The following IFT74 variants were observed in gnomAD, a reference collection of about 807,000 sequenced individuals.
The protein encoded by IFT74 is intraflagellar transport protein 74 homolog.
IFT74 carries 92 observed loss-of-function variants against 96.7 expected under a neutral mutation model. The ratio of observed to expected loss-of-function variants is 0.95; its 90% confidence interval spans 0.80 to 1.13. IFT74 has a LOEUF of 1.13. Ranked by LOEUF, IFT74 falls within the 50% of genes most tolerant of loss-of-function variation. The pLI is 0.00. For missense variants in IFT74, 811 were observed against 698.2 expected, an observed-to-expected ratio of 1.16 and a Z score of -1.82; for synonymous variants, 223 against 213.2, an observed-to-expected ratio of 1.05 and a Z score of -0.40.
chr9:26,966,934 A>G (rs1465259621), intron 2 of IFT74, among the ~76,000 whole-genome samples: 3 of 152,060 alleles, frequency 2.0e-5, no homozygotes, highest in Non-Finnish European at 1.5e-5. Context: ...GCATTTCCTC[A>G]GTGTATGTTC....
intron 18 of IFT74, among the ~76,000 whole-genome samples, chr9:27,057,013 TTAAC>T (rs542093348): frequency 3.3e-5 from 5 of 152,162 alleles, no homozygotes; most frequent in Non-Finnish European, 7.4e-5. Context: ...TTTTTCATGA[TTAAC>T]TATACATCAT....
upstream of IFT74, chr9:26,955,757 T>C (rs2131462352): frequency 6.6e-6 from 1 of 151,048 alleles, no homozygotes; most frequent in South Asian, 2.1e-4. Context: ...TAAGCTGTTA[T>C]CAATGAAGAT....
intron 2 of IFT74, among the ~76,000 whole-genome samples, chr9:26,962,490 A>G (rs10967625): frequency 0.12 from 18,934 of 152,298 alleles, 1,319 homozygotes; most frequent in Middle Eastern, 0.26. Flanking sequence ...GAAATGGAAT[A>G]GACCTCAAAT....
intron 18 of IFT74, among the ~76,000 whole-genome samples, chr9:27,057,543 A>G (rs576340271): frequency 6.6e-6 from 1 of 152,298 alleles, no homozygotes; most frequent in East Asian, 1.9e-4. Flanking sequence ...CACATGGTTT[A>G]AAACCCTAAA....
chr9:27,044,721 T>C lies in IFT74; in HGVS notation c.1055-21T>C, dbSNP rs1819620921. ...TATGTGCAATTTTTGAAATTCATGT[T>C]GTATTTTATATCTCTCATAGGTGAA... On this transcript the variant is annotated intron_variant, in intron 13 of 19. Transcript: ENST00000380062. 4.0e-6 allele frequency: 6 copies of C among 1,490,992 alleles called. No individual in the cohort carries two copies. In the South Asian group the frequency reaches 7.2e-5, roughly 18 times the overall value. The allele number at this position is 1,490,992 out of a possible 1,614,324, so 92.4% of individuals were successfully genotyped here.
chr9:26,980,690 A>G (rs1246195821), intron 4 of IFT74, 71 bp downstream of exon 4: 2 of 954,764 alleles, frequency 2.1e-6, no homozygotes, highest in African/African-American at 1.7e-5. Flanking sequence ...AAAATAGAGT[A>G]TATAACTTTA....
intron 9 of IFT74, 98 bp downstream of exon 9, chr9:27,009,256 C>A: frequency 9.4e-7 from 1 of 1,059,722 alleles, no homozygotes; most frequent in Non-Finnish European, 1.4e-6. Flanking sequence ...GAGAACTTGA[C>A]TATACTTTGA....
At chr9:27,056,481 T>C in intron 18 of IFT74, 22 bp downstream of exon 18, 1 of 1,577,358 alleles carries the variant, frequency 6.3e-7, no homozygotes, top group Non-Finnish European at 8.6e-7. Flanking sequence ...TTTAAATGAC[T>C]TTGAAATTGT....
chr9:26,956,984 C>G (rs994568752), intron 1 of IFT74, among the ~76,000 whole-genome samples: 2 of 152,192 alleles, frequency 1.3e-5, no homozygotes. Context: ...AACAGCCCTG[C>G]AAGGTAGATG....
At chr9:27,057,758 T>G (rs1244067013) in intron 18 of IFT74, among the ~76,000 whole-genome samples, 1 of 151,960 alleles carries the variant, frequency 6.6e-6, no homozygotes, top group Non-Finnish European at 1.5e-5. Flanking sequence ...CTCGGGAGGC[T>G]GAGGCAGGAG....
intron 12 of IFT74, among the ~76,000 whole-genome samples, chr9:27,020,079 G>T (rs1829528221): frequency 6.6e-6 from 1 of 151,710 alleles, no homozygotes; most frequent in Non-Finnish European, 1.5e-5. Context: ...GGGTTCAAGG[G>T]ATTCTCATGC....
At chr9:26,968,227 T>C (rs1218234358) in intron 2 of IFT74, among the ~76,000 whole-genome samples, 2 of 151,626 alleles carry the variant, frequency 1.3e-5, no homozygotes, top group African/African-American at 4.9e-5. Flanking sequence ...GGTCCTGAGC[T>C]TTTCTTTGCT....
At chr9:26,990,699 T>G (rs1827828682) in intron 8 of IFT74, among the ~76,000 whole-genome samples, 1 of 152,186 alleles carries the variant, frequency 6.6e-6, no homozygotes, top group South Asian at 2.1e-4. Flanking sequence ...GGAAATAACG[T>G]AATTGTGGCA....
Position 27,060,571 on chromosome 9 carries a change from T to C in IFT74, c.1624-20T>C. The C allele has an allele frequency of 6.4e-7, 1 of 1,555,536 alleles. No homozygotes were observed. Among genetic ancestry groups the C allele is most frequent in the Non-Finnish European group, 8.8e-7 (1 of 1,135,990 alleles). On this transcript the variant is annotated intron_variant, in intron 18 of 19. Coordinates refer to ENST00000380062, the MANE Select transcript of IFT74 (RefSeq NM_025103.4). ...TTTTAAATATGGGTCCTAATTAATA[T>C]TTTTCTTTTATGTTTTTAGCTTACA...
At chr9:27,031,795 T>A (rs868261379) in intron 13 of IFT74, among the ~76,000 whole-genome samples, 131 of 135,922 alleles carry the variant, frequency 9.6e-4, no homozygotes, top group African/African-American at 3.3e-3. Flanking sequence ...TAAAATAAAA[T>A]GTAAAATAAA....
chr9:26,956,941 A>G (rs568296358), intron 1 of IFT74, among the ~76,000 whole-genome samples: 9 of 152,254 alleles, frequency 5.9e-5, no homozygotes, highest in Non-Finnish European at 1.3e-4. Context: ...AATTAGAAGC[A>G]GATGTTTTAA....
At chr9:27,054,746 G>C (rs1055327878) in intron 16 of IFT74, among the ~76,000 whole-genome samples, 2 of 152,148 alleles carry the variant, frequency 1.3e-5, no homozygotes, top group African/African-American at 4.8e-5. Context: ...GTTGAAAAAG[G>C]CAACACTCTG....
At chr9:27,050,626 C>G (rs374992664) in intron 16 of IFT74, among the ~76,000 whole-genome samples, 1 of 151,288 alleles carries the variant, frequency 6.6e-6, no homozygotes, top group East Asian at 2.0e-4. Context: ...GAAATGAAGA[C>G]CTAATTAATA....
intron 1 of IFT74, among the ~76,000 whole-genome samples, chr9:26,949,516 G>T (rs1335135083): frequency 3.9e-5 from 6 of 152,056 alleles, no homozygotes; most frequent in African/African-American, 1.4e-4. Flanking sequence ...TTCCCCTCGT[G>T]CTGTAATTGC....
Sources: allele counts gnomAD v4.1 joint callset (sites outside exome capture counted in the v4.1 genomes callset), GRCh38; gene constraint gnomAD v4.1.1; transcripts MANE v1.5; gene names NCBI Gene and HGNC (gene_info 2026-07-23, HGNC 2026-07-21).